Variants in EPS15 observed in about 807,000 individuals in gnomAD.
The protein encoded by EPS15 is epidermal growth factor receptor pathway substrate 15, also known as epidermal growth factor receptor substrate 15.
Under a neutral mutation model 113.8 loss-of-function variants are expected in EPS15, and 72 were observed. The observed-to-expected ratio is 0.63, with a 90% confidence interval of 0.52 to 0.77. The LOEUF is 0.77. EPS15 is among the 30% of genes least tolerant of loss of function. The pLI is 0.00. For synonymous variants in EPS15, 344 were observed against 363.4 expected, an observed-to-expected ratio of 0.95 and a Z score of 0.61; for missense variants, 1,048 against 1,045.8, an observed-to-expected ratio of 1.00 and a Z score of -0.03.
At chr1:51,472,297 T>G (rs1481166060) in intron 3 of EPS15, among the ~76,000 whole-genome samples, 1 of 152,254 alleles carries the variant, frequency 6.6e-6, no homozygotes, top group Non-Finnish European at 1.5e-5. Flanking sequence ...TCTACTAGAA[T>G]GTACATACTA....
chr1:51,509,924 A>G (rs1027095191), intron 1 of EPS15, among the ~76,000 whole-genome samples: 8 of 152,240 alleles, frequency 5.3e-5, no homozygotes, highest in African/African-American at 1.7e-4. Flanking sequence ...GACTCATTCA[A>G]TCAATATCCG....
intron 12 of EPS15, among the ~76,000 whole-genome samples, chr1:51,432,653 C>T (rs1010692604): frequency 1.3e-5 from 2 of 151,856 alleles, no homozygotes; most frequent in Non-Finnish European, 2.9e-5. Flanking sequence ...TTAAATTGGA[C>T]TAGCCATATT....
At chr1:51,478,019 CTG>C (rs1353338944) in intron 2 of EPS15, among the ~76,000 whole-genome samples, 4 of 152,140 alleles carry the variant, frequency 2.6e-5, no homozygotes, top group African/African-American at 9.7e-5. Flanking sequence ...TGTTAACTGT[CTG>C]TCTCACTGAT....
At position 51,472,502 on chromosome 1, in the gene EPS15, T is replaced by C. The variant is rs146658926; in HGVS notation, c.165+357A>G. 1.7e-3 allele frequency among the ~76,000 whole-genome samples: 260 copies of C among 152,242 alleles called. 2 individuals are homozygous for C. Among genetic ancestry groups the C allele is most frequent in the African/African-American group, 6.0e-3 (248 of 41,542 alleles). On this transcript the variant is annotated intron_variant, in intron 3 of 24. Transcript: ENST00000371733. Reference sequence around the variant, plus strand: ...AAAAAGCCTCTCATCCCCCAGTCTATTTACCACACATTAAACAGAGACAGT... The same window carrying C: ...AAAAAGCCTCTCATCCCCCAGTCTACTTACCACACATTAAACAGAGACAGT...
At chr1:51,369,127 C>G (rs1463207653) in intron 21 of EPS15, among the ~76,000 whole-genome samples, 1 of 152,090 alleles carries the variant, frequency 6.6e-6, no homozygotes, top group African/African-American at 2.4e-5. Context: ...ATATTGTGAA[C>G]AAAATTAATT....
chr1:51,415,521 G>T (rs1650122895), intron 13 of EPS15, among the ~76,000 whole-genome samples: 1 of 151,984 alleles, frequency 6.6e-6, no homozygotes, highest in African/African-American at 2.4e-5. Context: ...TCTGGGCCAG[G>T]CGTGGTGGCT....
intron 22 of EPS15, among the ~76,000 whole-genome samples, chr1:51,365,666 T>C (rs370984402): frequency 5.3e-5 from 8 of 152,150 alleles, no homozygotes; most frequent in South Asian, 4.1e-4. Context: ...TGTGGTTCAA[T>C]TGGGAGAAAC....
At chr1:51,389,903 T>C (rs7531856) in intron 21 of EPS15, among the ~76,000 whole-genome samples, 3 of 152,208 alleles carry the variant, frequency 2.0e-5, no homozygotes, top group East Asian at 1.9e-4. Context: ...AGGTAATTTA[T>C]AGATTCAATG....
intron 8 of EPS15, among the ~76,000 whole-genome samples, chr1:51,456,486 C>T (rs1488097894): frequency 1.3e-5 from 2 of 152,040 alleles, no homozygotes; most frequent in Admixed American, 1.3e-4. Context: ...AAAATAAGAC[C>T]TAAACTTGTA....
At chr1:51,431,916 T>C (rs1429046258) in intron 12 of EPS15, among the ~76,000 whole-genome samples, 1 of 152,192 alleles carries the variant, frequency 6.6e-6, no homozygotes, top group Non-Finnish European at 1.5e-5. Context: ...TTATGTTACA[T>C]CTAGAAAGAC....
At chr1:51,409,843 AATCTTTACTTGAAGAC>A (rs1649531654) in intron 13 of EPS15, 147 bp from the exon 14 acceptor site, 1 of 562,398 alleles carries the variant, frequency 1.8e-6, no homozygotes, top group African/African-American at 1.9e-5. Context: ...CTTTAAATAC[AATCTTTACTTGAAGAC>A]ATCTTTCCTA....
chr1:51,512,834 G>C (rs1016377848), intron 1 of EPS15, among the ~76,000 whole-genome samples: 2 of 148,702 alleles, frequency 1.3e-5, no homozygotes, highest in Admixed American at 6.7e-5. Flanking sequence ...GAATGTAAAT[G>C]AGCAATATCT....
intron 13 of EPS15, among the ~76,000 whole-genome samples, chr1:51,411,433 T>C (rs547285753): frequency 6.6e-6 from 1 of 152,216 alleles, no homozygotes; most frequent in South Asian, 2.1e-4. Context: ...GACTGATAAA[T>C]GGAACTGTAC....
chr1:51,481,052 T>C (rs750215868), intron 2 of EPS15, among the ~76,000 whole-genome samples: 87 of 152,268 alleles, frequency 5.7e-4, no homozygotes, highest in Non-Finnish European at 8.8e-4. Context: ...ATTTTCAACA[T>C]AGATATTTAA....
At chr1:51,442,142 A>AT (rs909364015) in intron 11 of EPS15, among the ~76,000 whole-genome samples, 7 of 152,150 alleles carry the variant, frequency 4.6e-5, no homozygotes, top group Non-Finnish European at 1.0e-4. Flanking sequence ...ATTAAATTAG[A>AT]TATTTTAAAG....
intron 24 of EPS15, among the ~76,000 whole-genome samples, chr1:51,357,388 AAAAATATATATAT>A (rs1174918316): frequency 1.8e-5 from 1 of 54,252 alleles, no homozygotes; most frequent in African/African-American, 9.5e-5. Flanking sequence ...AAAAAAAAAA[AAAAATATATATAT>A]ATATATATAT....
At chr1:51,488,743 C>G (rs1471315033) in intron 1 of EPS15, among the ~76,000 whole-genome samples, 2 of 151,894 alleles carry the variant, frequency 1.3e-5, no homozygotes, top group African/African-American at 4.9e-5. Flanking sequence ...AGCCTCTCCT[C>G]CTTTCTTTAG....
At chr1:51,454,796 T>A (rs1479724465) in intron 8 of EPS15, among the ~76,000 whole-genome samples, 1 of 152,194 alleles carries the variant, frequency 6.6e-6, no homozygotes, top group Non-Finnish European at 1.5e-5. Flanking sequence ...TGCACCAATG[T>A]TGGTTTTTTA....
chr1:51,420,924 G>C (rs1471455189), intron 13 of EPS15, among the ~76,000 whole-genome samples: 1 of 152,114 alleles, frequency 6.6e-6, no homozygotes, highest in Non-Finnish European at 1.5e-5. Flanking sequence ...AGGAAAAGCA[G>C]GAAAATCCAA....
Sources: allele counts gnomAD v4.1 joint callset (sites outside exome capture counted in the v4.1 genomes callset), GRCh38; gene constraint gnomAD v4.1.1; transcripts MANE v1.5; gene names NCBI Gene and HGNC (gene_info 2026-07-23, HGNC 2026-07-21).